The following RELN variants were observed in gnomAD, a reference collection of about 807,000 sequenced individuals.
RELN encodes reelin.
In RELN, 108 loss-of-function variants were observed where a neutral mutation model predicts 427.6. The observed-to-expected ratio is 0.25, with a 90% CI of 0.22 to 0.30. The LOEUF is 0.30. Among genes scored for constraint, RELN ranks in the 10% least tolerant of loss-of-function variants. RELN has a pLI of 1.00. For missense variants in RELN, 3,715 were observed against 4,302.8 expected (o/e 0.86, Z 3.82); for synonymous variants, 1,524 against 1,513.4 (o/e 1.01, Z -0.16).
At chr7:103,622,720 T>G (rs532269530) in intron 20 of RELN, among the ~76,000 whole-genome samples, 8 of 152,276 alleles carry the variant, frequency 5.3e-5, no homozygotes, top group Non-Finnish European at 1.0e-4. Flanking sequence ...CCTAACCCTC[T>G]TACCTAAAAT....
intron 1 of RELN, among the ~76,000 whole-genome samples, chr7:103,976,092 C>A (rs1796873405): frequency 6.6e-6 from 1 of 152,080 alleles, no homozygotes; most frequent in Non-Finnish European, 1.5e-5. Context: ...AGAAAAGTAA[C>A]CAAAGAGGCA....
chr7:103,720,615 T>C (rs1008744238), intron 8 of RELN, among the ~76,000 whole-genome samples: 9 of 152,182 alleles, frequency 5.9e-5, no homozygotes, highest in Admixed American at 1.3e-4. Flanking sequence ...ATTGTTAACA[T>C]ATAGTTTTTT....
At chr7:103,773,164 C>CTTTCTTTCTTTCTT (rs1447006041) in intron 4 of RELN, among the ~76,000 whole-genome samples, 4 of 106,238 alleles carry the variant, frequency 3.8e-5, no homozygotes, top group African/African-American at 1.1e-4. Flanking sequence ...TTCTTTCTTT[C>CTTTCTTTCTTTCTT]TTTTTCTTTC....
chr7:103,686,334 C>G (rs1252848675), intron 10 of RELN, among the ~76,000 whole-genome samples: 2 of 152,090 alleles, frequency 1.3e-5, no homozygotes, highest in African/African-American at 2.4e-5. Flanking sequence ...GCAGACAATT[C>G]AAATACAAAG....
At chr7:103,592,784 T>C (rs1831449743) in intron 27 of RELN, among the ~76,000 whole-genome samples, 1 of 152,236 alleles carries the variant, frequency 6.6e-6, no homozygotes, top group African/African-American at 2.4e-5. Flanking sequence ...TATTTGCTAT[T>C]AACATTATTT....
At chr7:103,638,155 C>G (rs372758473) in intron 17 of RELN, among the ~76,000 whole-genome samples, 1 of 152,126 alleles carries the variant, frequency 6.6e-6, no homozygotes, top group African/African-American at 2.4e-5. Flanking sequence ...GGGTATGACA[C>G]GAGGCTCTCC....
chr7:103,491,658 C>G (rs143554431), intron 58 of RELN, among the ~76,000 whole-genome samples: 1 of 151,688 alleles, frequency 6.6e-6, no homozygotes, highest in African/African-American at 2.4e-5. Flanking sequence ...GGAGAAACCC[C>G]GTCTCTACTA....
chr7:103,986,230 G>A (rs1797094801), intron 1 of RELN, among the ~76,000 whole-genome samples: 1 of 152,034 alleles, frequency 6.6e-6, no homozygotes. Context: ...GATATATGAA[G>A]ATGAGAAAGA....
intron 10 of RELN, among the ~76,000 whole-genome samples, chr7:103,685,170 T>C (rs1053389365): frequency 6.6e-6 from 1 of 152,180 alleles, no homozygotes; most frequent in Non-Finnish European, 1.5e-5. Flanking sequence ...AACATCGATC[T>C]ACTATGTTAA....
chr7:103,984,516 G>C (rs1338939991), intron 1 of RELN, among the ~76,000 whole-genome samples: 1 of 152,054 alleles, frequency 6.6e-6, no homozygotes, highest in African/African-American at 2.4e-5. Flanking sequence ...GTAAAGACTT[G>C]ATTTTAGTTT....
intron 8 of RELN, among the ~76,000 whole-genome samples, chr7:103,701,913 T>G (rs1003432808): frequency 1.3e-5 from 2 of 152,216 alleles, no homozygotes; most frequent in Non-Finnish European, 2.9e-5. Context: ...CTGTTGACAA[T>G]TTTACGTTTG....
chr7:103,701,781 G>T (rs1210633411), intron 8 of RELN, among the ~76,000 whole-genome samples: 2 of 152,072 alleles, frequency 1.3e-5, no homozygotes, highest in Non-Finnish European at 2.9e-5. Context: ...TTATTGTAAT[G>T]GATGTAGCAG....
In RELN at chr7:103,654,098, A is replaced by G. The variant is rs1205983521; in HGVS notation, c.1549T>C (p.Tyr517His). ...ACACAGACTGGCATGTGTACCTTAT[A>G]TGAGGAATAGGAAAGGGTATCCAGT... ...ITLDTLSYSS[Y>H]KVPSLVSVVI... The change falls in exon 13 of 65, where the codon TAT (tyrosine) becomes CAT (histidine). Residue 517 changes from tyrosine (Y) to histidine (H), a missense_variant. Coordinates refer to ENST00000428762, the MANE Select transcript of RELN (RefSeq NM_005045.4). The G allele has an allele frequency of 1.3e-6, 2 of 1,554,038 alleles. No homozygotes were observed. Among genetic ancestry groups the G allele is most frequent in the Non-Finnish European group, 1.8e-6 (2 of 1,125,870 alleles).
chr7:103,836,324 A>C (rs1793407024), intron 2 of RELN, among the ~76,000 whole-genome samples: 1 of 152,164 alleles, frequency 6.6e-6, no homozygotes, highest in East Asian at 1.9e-4. Context: ...AATTATTTAA[A>C]TTTAAATTAA....
intron 3 of RELN, among the ~76,000 whole-genome samples, chr7:103,786,934 T>C (rs756777409): frequency 2.0e-5 from 3 of 152,052 alleles, no homozygotes; most frequent in Non-Finnish European, 4.4e-5. Flanking sequence ...TATTCTAAAA[T>C]TGACCACATA....
chr7:103,835,959 T>TCA lies in RELN; in HGVS notation c.338-2288_338-2287insTG, dbSNP rs1563041493. Among the ~76,000 whole-genome samples the TCA allele has an allele frequency of 5.2e-3, 769 of 147,006 alleles. 9 individuals carry two copies. The highest frequency in any genetic ancestry group is 0.019 in the African/African-American group (713 of 38,446). On this transcript the variant is annotated intron_variant, in intron 2 of 64. Coordinates refer to ENST00000428762, the MANE Select transcript of RELN (RefSeq NM_005045.4). The stretch of plus-strand genomic sequence containing the variant: ...TTACAAAACTCTCAATTACCCTTTT[T>TCA]TTTTTTTTTTTTTATAGGCGGAGTC...
At chr7:103,507,853 T>C (rs543963598) in intron 51 of RELN, among the ~76,000 whole-genome samples, 2 of 152,146 alleles carry the variant, frequency 1.3e-5, no homozygotes, top group Admixed American at 1.3e-4. Context: ...AAAGGGGATA[T>C]CACCACTGAT....
At chr7:103,853,018 C>T (rs765229702) in intron 2 of RELN, among the ~76,000 whole-genome samples, 17 of 151,978 alleles carry the variant, frequency 1.1e-4, no homozygotes, top group East Asian at 1.9e-4. Flanking sequence ...ATTCACACTC[C>T]ACTGAGGCAA....
At chr7:103,481,657 T>G (rs903189866) in intron 63 of RELN, among the ~76,000 whole-genome samples, 1 of 152,210 alleles carries the variant, frequency 6.6e-6, no homozygotes, top group East Asian at 1.9e-4. Context: ...AAGTGCTGTT[T>G]TGAAAGGCAA....
Sources: gnomAD v4.1 joint callset for allele counts (sites outside exome capture counted in the v4.1 genomes callset) on GRCh38, gnomAD v4.1.1 for gene constraint, MANE v1.5 for transcripts, NCBI Gene and HGNC (gene_info 2026-07-23, HGNC 2026-07-21) for gene names.